PPP2R3B: variants seen among roughly 807,000 people sequenced by gnomAD.
PPP2R3B encodes serine/threonine-protein phosphatase 2A regulatory subunit B'' subunit beta.
In PPP2R3B, 68 loss-of-function variants were observed where a neutral mutation model predicts 72.9. That is an observed-to-expected ratio of 0.93 (90% CI 0.77 to 1.14). The LOEUF (loss-of-function observed/expected upper bound fraction) is 1.14, where lower values mean the gene tolerates loss of function less well. Among genes scored for constraint, PPP2R3B ranks in the 50% most tolerant of loss-of-function variants. The probability of loss-of-function intolerance (pLI) is 0.00; values close to 1 mark genes in which losing one functional copy is unlikely to be tolerated. For synonymous variants in PPP2R3B, 466 were observed against 375.8 expected (o/e 1.24, Z -2.78); for missense variants, 1,018 against 842.0 (o/e 1.21, Z -2.59).
At chrX:357,508 T>C (rs748315251) in intron 2 of PPP2R3B, among the ~76,000 whole-genome samples, 1 of 152,344 alleles carries the variant, frequency 6.6e-6, no homozygotes, top group East Asian at 1.9e-4. Flanking sequence ...TACGTTAGTG[T>C]GTAGCATGAC....
chrX:344,636 G>T (rs1398797248), intron 7 of PPP2R3B, among the ~76,000 whole-genome samples: 2 of 152,238 alleles, frequency 1.3e-5, no homozygotes, highest in African/African-American at 4.8e-5. Flanking sequence ...GCAGGTGCTG[G>T]CCCAGGCCAC....
At chrX:378,733 C>T (rs979651238) in intron 1 of PPP2R3B, among the ~76,000 whole-genome samples, 2 of 152,060 alleles carry the variant, frequency 1.3e-5, no homozygotes, top group Non-Finnish European at 2.9e-5. Context: ...TGCAGATTCT[C>T]GGAGGTTGCA....
chrX:367,523 AAGGCGCTGGGATCAC>A (rs1264634261), intron 1 of PPP2R3B, among the ~76,000 whole-genome samples: 2 of 152,012 alleles, frequency 1.3e-5, no homozygotes, highest in East Asian at 3.9e-4. Flanking sequence ...TCAGCCTCCC[AAGGCGCTGGGATCAC>A]AGGTGTGAGG....
Position 386,807 on chromosome X carries a change from G to A in PPP2R3B, c.-116C>T, listed in dbSNP as rs2072268349. The A allele has an allele frequency of 3.6e-6, 2 of 562,730 alleles. No homozygotes were observed. Among genetic ancestry groups the A allele is most frequent in the Non-Finnish European group, 4.9e-6 (2 of 410,438 alleles). The allele number at this position is 562,730 out of a possible 1,614,324, so 34.9% of individuals were successfully genotyped here. On this transcript the variant is annotated 5_prime_UTR_variant, in exon 1 of 13. Transcript: ENST00000390665. ...GAGCACGGCCCGCTGAGGGGGCGCG[G>A]CGCAGGGAACAGGGCCCGCGCCTCG...
intron 1 of PPP2R3B, among the ~76,000 whole-genome samples, chrX:369,930 C>G (rs918945599): frequency 1.3e-5 from 2 of 152,132 alleles, no homozygotes; most frequent in Non-Finnish European, 2.9e-5. Context: ...GGGGGTTTGG[C>G]CGGGACGCAC....
chrX:339,033 G>T (rs769900928), intron 10 of PPP2R3B, 137 bp from the exon 11 acceptor site: 2 of 764,984 alleles, frequency 2.6e-6, no homozygotes, highest in South Asian at 1.6e-5. Context: ...CGTGTTTGAC[G>T]TGAAAGGCGG....
At chrX:365,027 G>C (rs1350366494) in intron 1 of PPP2R3B, among the ~76,000 whole-genome samples, 1 of 24,096 alleles carries the variant, frequency 4.2e-5, no homozygotes. Context: ...CAGCCTGGGC[G>C]ACAGAGTGAG....
chrX:364,135 G>A, intron 1 of PPP2R3B, among the ~76,000 whole-genome samples: 1 of 152,356 alleles, frequency 6.6e-6, no homozygotes, highest in African/African-American at 2.4e-5. Flanking sequence ...CAGAGCTCTG[G>A]GGAAGAGGAG....
intron 2 of PPP2R3B, among the ~76,000 whole-genome samples, chrX:353,242 C>T (rs1421370153): frequency 7.2e-5 from 11 of 151,992 alleles, no homozygotes; most frequent in Admixed American, 3.9e-4. Flanking sequence ...GGTGTGGTGG[C>T]GCATGCCTGT....
chrX:341,676 C>T, intron 8 of PPP2R3B: 3 of 682,630 alleles, frequency 4.4e-6, no homozygotes, highest in Non-Finnish European at 7.7e-6. Flanking sequence ...TGGGCCACCC[C>T]CTTCCTCAGA....
intron 2 of PPP2R3B, among the ~76,000 whole-genome samples, chrX:348,487 A>T (rs1392234668): frequency 6.6e-6 from 1 of 151,568 alleles, no homozygotes; most frequent in East Asian, 1.9e-4. Flanking sequence ...GAGGCAGGAG[A>T]ATCACTTGAT....
intron 1 of PPP2R3B, among the ~76,000 whole-genome samples, chrX:383,398 C>G (rs755283171): frequency 7.2e-5 from 11 of 152,176 alleles, no homozygotes; most frequent in African/African-American, 2.6e-4. Context: ...TAAACAAGTT[C>G]CGACGGAACA....
At chrX:335,328 G>A (rs1448807334) in intron 12 of PPP2R3B, 1 of 152,398 alleles carries the variant, frequency 6.6e-6, no homozygotes, top group Non-Finnish European at 1.5e-5. Flanking sequence ...GGCCACAGCT[G>A]CCTTAGGGTG....
chrX:353,914 G>A (rs2071383484), intron 2 of PPP2R3B, among the ~76,000 whole-genome samples: 1 of 150,872 alleles, frequency 6.6e-6, no homozygotes, highest in African/African-American at 2.4e-5. Context: ...CAAAGACTGG[G>A]GCTCGCCCAG....
chrX:355,898 T>C (rs925567526), intron 2 of PPP2R3B, among the ~76,000 whole-genome samples: 1 of 152,056 alleles, frequency 6.6e-6, no homozygotes, highest in Non-Finnish European at 1.5e-5. Context: ...GCCTATTGTC[T>C]TGGTGCTGTG....
At chrX:385,638 T>C (rs887087282) in intron 1 of PPP2R3B, among the ~76,000 whole-genome samples, 6 of 151,698 alleles carry the variant, frequency 4.0e-5, no homozygotes, top group African/African-American at 1.5e-4. Context: ...AATAAATAAA[T>C]AAATAAACAA....
intron 3 of PPP2R3B, 49 bp from the exon 4 acceptor site, chrX:347,385 C>T (rs369217711): frequency 2.3e-5 from 36 of 1,562,388 alleles, no homozygotes; most frequent in Non-Finnish European, 2.5e-5. Context: ...GGGTGGCTTT[C>T]GACCCCGCAG....
At chrX:344,099 G>A (rs1321263588) in intron 7 of PPP2R3B, among the ~76,000 whole-genome samples, 1 of 128,094 alleles carries the variant, frequency 7.8e-6, no homozygotes, top group Non-Finnish European at 1.7e-5. Context: ...CTCACCAACG[G>A]GAGGCGGGAG....
intron 2 of PPP2R3B, among the ~76,000 whole-genome samples, chrX:352,164 G>C (rs1384310064): frequency 1.3e-5 from 2 of 152,246 alleles, no homozygotes; most frequent in Non-Finnish European, 2.9e-5. Context: ...AGATACAAAG[G>C]AAAGCAGTTT....
Sources: allele counts gnomAD v4.1 joint callset (sites outside exome capture counted in the v4.1 genomes callset), GRCh38; gene constraint gnomAD v4.1.1; transcripts MANE v1.5; gene names NCBI Gene and HGNC (gene_info 2026-07-23, HGNC 2026-07-21).